The following FBXO34 variants were observed in gnomAD, a reference collection of about 807,000 sequenced individuals.
FBXO34 encodes the protein F-box only protein 34.
A neutral mutation model predicts 24.5 loss-of-function variants in FBXO34; 12 were observed. The ratio of observed to expected loss-of-function variants is 0.49; its 90% confidence interval spans 0.31 to 0.79. FBXO34 has a LOEUF of 0.79. FBXO34 is among the 30% of genes least tolerant of loss of function. FBXO34 has a pLI of 0.04. For missense variants in FBXO34, 823 were observed against 857.7 expected (o/e 0.96, Z 0.51); for synonymous variants, 320 against 311.9 (o/e 1.03, Z -0.27).
At chr14:55,344,939 G>A (rs1884111049) in intron 1 of FBXO34, among the ~76,000 whole-genome samples, 1 of 151,284 alleles carries the variant, frequency 6.6e-6, no homozygotes, top group South Asian at 2.1e-4. Flanking sequence ...CTCAAGGGCA[G>A]CAACGATGTT....
the FBXO34 span, among the ~76,000 whole-genome samples, chr14:55,435,374 C>T: frequency 8.0e-5 from 12 of 149,502 alleles, no homozygotes; most frequent in African/African-American, 2.7e-4. Flanking sequence ...CTCCTGGGTT[C>T]AAGTGATTCT....
chr14:55,378,373 AT>A, the FBXO34 span, among the ~76,000 whole-genome samples: 1 of 152,356 alleles, frequency 6.6e-6, no homozygotes, highest in African/African-American at 2.4e-5. Context: ...TTCTTGAAGC[AT>A]CAACAGCAGA....
intron 1 of FBXO34, among the ~76,000 whole-genome samples, chr14:55,343,706 T>C (rs946158155): frequency 6.6e-6 from 1 of 152,224 alleles, no homozygotes; most frequent in African/African-American, 2.4e-5. Flanking sequence ...ACTAGCAAGT[T>C]AGAAAACTGG....
chr14:55,363,851 A>G (rs1594772165), downstream of FBXO34, among the ~76,000 whole-genome samples: 1 of 148,684 alleles, frequency 6.7e-6, no homozygotes, highest in Non-Finnish European at 1.5e-5. Flanking sequence ...AAGATTGGAC[A>G]CTCCTGCTTA....
chr14:55,374,941 T>C (rs570882372), downstream of FBXO34, among the ~76,000 whole-genome samples: 21 of 152,370 alleles, frequency 1.4e-4, no homozygotes, highest in African/African-American at 4.8e-4. Context: ...TCCCTCATTA[T>C]TGTTTTCAAA....
At chr14:55,302,135 A>C (rs1236801213) in intron 1 of FBXO34, among the ~76,000 whole-genome samples, 3 of 152,262 alleles carry the variant, frequency 2.0e-5, no homozygotes, top group African/African-American at 7.2e-5. Context: ...GAGAACAAAA[A>C]TAAAGCAGCA....
Position 55,350,701 on chromosome 14 carries a change from CACT to C in FBXO34, c.312_314del (p.Leu105del). 6.2e-7 allele frequency: 1 copy of C among 1,613,432 alleles called. No individual in the cohort carries two copies. Among genetic ancestry groups the C allele is most frequent in the South Asian group, 1.1e-5 (1 of 90,946 alleles). ...ATCCACCAGGGCGAAGAAGAAGGACCACTTGATATCTGGGCTGTTGTGAAACCT... is the reference window on the plus strand; with the variant it reads ...ATCCACCAGGGCGAAGAAGAAGGACCTGATATCTGGGCTGTTGTGAAACCT... On this transcript the variant is annotated inframe_deletion, in exon 2 of 2. Coordinates refer to ENST00000313833, the MANE Select transcript of FBXO34 (RefSeq NM_017943.4).
downstream of FBXO34, among the ~76,000 whole-genome samples, chr14:55,364,471 C>A (rs1178604471): frequency 1.3e-5 from 2 of 152,050 alleles, no homozygotes; most frequent in Admixed American, 1.3e-4. Context: ...GTCGCCCAGG[C>A]TGGCATGCAG....
At chr14:55,298,462 G>T (rs1882217466) in intron 1 of FBXO34, among the ~76,000 whole-genome samples, 1 of 152,112 alleles carries the variant, frequency 6.6e-6, no homozygotes, top group African/African-American at 2.4e-5. Context: ...TTTTTAAAAT[G>T]GAAACATACA....
the FBXO34 span, chr14:55,380,738 AACT>A: frequency 8.0e-6 from 10 of 1,253,840 alleles, no homozygotes; most frequent in Non-Finnish European, 1.1e-5. Context: ...ATTCCAACAA[AACT>A]ACTAATAATC....
intron 1 of FBXO34, among the ~76,000 whole-genome samples, chr14:55,328,302 G>A (rs1883419400): frequency 6.6e-6 from 1 of 152,108 alleles, no homozygotes; most frequent in Admixed American, 6.5e-5. Context: ...CTTTTCACTT[G>A]AAGGAAACAC....
At chr14:55,385,190 A>G in the FBXO34 span, among the ~76,000 whole-genome samples, 23 of 152,342 alleles carry the variant, frequency 1.5e-4, no homozygotes, top group Admixed American at 1.4e-3. Context: ...TTAAATCCCC[A>G]TTTATCAGAC....
the FBXO34 span, chr14:55,436,560 CT>C: frequency 6.2e-7 from 1 of 1,611,946 alleles, no homozygotes; most frequent in African/African-American, 1.3e-5. Context: ...TAAAAACTTA[CT>C]GTAGTTGAGG....
chr14:55,308,878 C>T (rs1246381607), intron 1 of FBXO34, among the ~76,000 whole-genome samples: 2 of 152,194 alleles, frequency 1.3e-5, no homozygotes, highest in African/African-American at 2.4e-5. Flanking sequence ...TGAAATGTAG[C>T]ATTTCTTTCT....
chr14:55,321,539 G>A (rs1883134860), intron 1 of FBXO34, among the ~76,000 whole-genome samples: 1 of 152,036 alleles, frequency 6.6e-6, no homozygotes, highest in South Asian at 2.1e-4. Context: ...TGGGATTACA[G>A]CCAAATGCCA....
At chr14:55,402,969 A>AT in the FBXO34 span, among the ~76,000 whole-genome samples, 591 of 93,910 alleles carry the variant, frequency 6.3e-3, 12 homozygotes, top group Non-Finnish European at 0.011. Flanking sequence ...ATATATATAT[A>AT]AATAGCTGGG....
At chr14:55,274,018 C>A (rs1279692396) in intron 1 of FBXO34, among the ~76,000 whole-genome samples, 2 of 152,136 alleles carry the variant, frequency 1.3e-5, no homozygotes, top group Non-Finnish European at 2.9e-5. Flanking sequence ...GTTGGCCAGG[C>A]TGGTCATGAA....
At chr14:55,370,763 C>A (rs1349497903), downstream of FBXO34, among the ~76,000 whole-genome samples, 2 of 151,710 alleles carry the variant, frequency 1.3e-5, no homozygotes, top group Non-Finnish European at 2.9e-5. Flanking sequence ...GCCTCAACCT[C>A]CTGAGTAGCT....
intron 1 of FBXO34, among the ~76,000 whole-genome samples, chr14:55,303,239 A>G (rs1882425827): frequency 6.6e-6 from 1 of 152,196 alleles, no homozygotes; most frequent in Non-Finnish European, 1.5e-5. Flanking sequence ...AAGGAGCACT[A>G]ATTTTGATTT....
Sources: allele counts gnomAD v4.1 joint callset (sites outside exome capture counted in the v4.1 genomes callset), GRCh38; gene constraint gnomAD v4.1.1; transcripts MANE v1.5; gene names NCBI Gene and HGNC (gene_info 2026-07-23, HGNC 2026-07-21).